The following SLC2A12 variants were observed in gnomAD, a reference collection of about 807,000 sequenced individuals.
SLC2A12 encodes solute carrier family 2, facilitated glucose transporter member 12.
SLC2A12 carries 23 observed loss-of-function variants against 41.8 expected under a neutral mutation model. That is an observed-to-expected ratio of 0.55 (90% CI 0.40 to 0.78). The LOEUF is 0.78. Among genes scored for constraint, SLC2A12 ranks in the 30% least tolerant of loss-of-function variants. SLC2A12 has a pLI of 0.00. For missense variants in SLC2A12, 654 were observed against 745.6 expected, an observed-to-expected ratio of 0.88 and a Z score of 1.43; for synonymous variants, 295 against 285.9, an observed-to-expected ratio of 1.03 and a Z score of -0.32.
At chr6:134,030,845 A>C (rs1777195231) in intron 1 of SLC2A12, among the ~76,000 whole-genome samples, 1 of 152,242 alleles carries the variant, frequency 6.6e-6, no homozygotes, top group Non-Finnish European at 1.5e-5. Flanking sequence ...ATTGTGTTCC[A>C]AGTATAATGG....
At chr6:133,995,345 A>AG (rs915769526) in intron 4 of SLC2A12, among the ~76,000 whole-genome samples, 4 of 151,178 alleles carry the variant, frequency 2.6e-5, no homozygotes, top group Non-Finnish European at 5.9e-5. Context: ...GAGAGGAGAG[A>AG]GGGGGTGAAG....
chr6:133,997,085 C>CAAAA lies in SLC2A12; in HGVS notation c.1700+4908_1700+4911dup, dbSNP rs58295985. Among the ~76,000 whole-genome samples the CAAAA allele has an allele frequency of 3.0e-3, 214 of 70,704 alleles. 11 individuals are homozygous for CAAAA. Among genetic ancestry groups the CAAAA allele is most frequent in the African/African-American group, 8.4e-3 (152 of 18,164 alleles). The allele number at this position is 70,704 out of a possible 152,430, so 46.4% of individuals were successfully genotyped here. On this transcript the variant is annotated intron_variant, in intron 4 of 4. Transcript: ENST00000275230. ...TGAAACCCCGTCTCTACTAAAAATA[C>CAAAA]AAAAAAAAAAAAAAAAAAAAAAAAA...
At chr6:133,996,168 A>G (rs1312941145) in intron 4 of SLC2A12, among the ~76,000 whole-genome samples, 1 of 152,242 alleles carries the variant, frequency 6.6e-6, no homozygotes, top group Non-Finnish European at 1.5e-5. Flanking sequence ...GAATAAATGA[A>G]TTGGATGGAT....
At chr6:134,028,266 A>G (rs1353465598) in intron 2 of SLC2A12, 115 bp downstream of exon 2, 1 of 1,353,238 alleles carries the variant, frequency 7.4e-7, no homozygotes, top group Non-Finnish European at 1.0e-6. Context: ...TAGAAGGAAC[A>G]TCAGATGACC....
At chr6:134,035,518 C>G (rs1777284862) in intron 1 of SLC2A12, among the ~76,000 whole-genome samples, 1 of 152,180 alleles carries the variant, frequency 6.6e-6, no homozygotes, top group African/African-American at 2.4e-5. Context: ...CACATTTCTA[C>G]ACGCCCATCC....
chr6:133,988,526 A>G lies in SLC2A12; in HGVS notation c.*2629T>C, dbSNP rs1200874927. On this transcript the variant is annotated 3_prime_UTR_variant, in exon 5 of 5. Transcript: ENST00000275230. ...TTGCAACATCCTAATCTCCATATAT[A>G]GTACATTTTCCTTACTGTATTATAA... The G allele has an allele frequency of 2.6e-5, 4 of 152,218 alleles. No individual in the cohort carries two copies. Among genetic ancestry groups the G allele is most frequent in the Non-Finnish European group, 4.4e-5 (3 of 68,022 alleles). 9.4% of individuals were successfully genotyped at this position (152,218 alleles called of 1,614,324 possible). A position where few individuals can be genotyped will look rare whatever the true frequency, so the allele number is the denominator to read the frequency against.
rs1388536602 is a variant in SLC2A12 at position 133,991,011 on chromosome 6, G to C, written c.*144C>G. On this transcript the variant is annotated 3_prime_UTR_variant, in exon 5 of 5. Transcript: ENST00000275230. ...CTTCTGGGGAGGAGGGGGATTAAAG[G>C]CTGTCTTTATCATTTCAGAGTGTCT... 11 of 931,122 alleles carry C rather than the reference G, an allele frequency of 1.2e-5. No individual in the cohort carries two copies. Among genetic ancestry groups the C allele is most frequent in the East Asian group, 7.8e-5 (3 of 38,256 alleles). 57.7% of individuals were successfully genotyped at this position (931,122 alleles called of 1,614,324 possible).
chr6:134,040,942 A>G (rs1407702087), intron 1 of SLC2A12, among the ~76,000 whole-genome samples: 1 of 150,888 alleles, frequency 6.6e-6, no homozygotes, highest in African/African-American at 2.4e-5. Context: ...GCAGTTAGAA[A>G]CTCCTCTCAG....
At chr6:134,015,861 G>A (rs1431937186) in intron 2 of SLC2A12, among the ~76,000 whole-genome samples, 1 of 152,074 alleles carries the variant, frequency 6.6e-6, no homozygotes, top group Non-Finnish European at 1.5e-5. Context: ...AGAGTTATTT[G>A]TTTAAATCTA....
chr6:134,026,761 A>G (rs925245940), intron 2 of SLC2A12, among the ~76,000 whole-genome samples: 15 of 152,232 alleles, frequency 9.9e-5, no homozygotes, highest in African/African-American at 3.4e-4. Context: ...CACAGTGCAG[A>G]GGAAGGGCCA....
intron 2 of SLC2A12, among the ~76,000 whole-genome samples, chr6:134,008,441 ATTG>A (rs1188666528): frequency 6.6e-6 from 1 of 152,166 alleles, no homozygotes; most frequent in African/African-American, 2.4e-5. Flanking sequence ...CGTAATTATT[ATTG>A]TTGTTCTTAT....
chr6:134,044,530 A>C (rs888589615), intron 1 of SLC2A12, among the ~76,000 whole-genome samples: 8 of 152,122 alleles, frequency 5.3e-5, no homozygotes, highest in Non-Finnish European at 1.0e-4. Flanking sequence ...CCTGGCCAAC[A>C]TGATGAAACC....
intron 1 of SLC2A12, among the ~76,000 whole-genome samples, chr6:134,041,693 T>C (rs1159593397): frequency 6.6e-6 from 1 of 152,172 alleles, no homozygotes; most frequent in Admixed American, 6.5e-5. Context: ...GAATCCAACA[T>C]TTTACGGCCC....
chr6:134,005,954 T>C (rs890751087), intron 3 of SLC2A12, among the ~76,000 whole-genome samples: 5 of 151,790 alleles, frequency 3.3e-5, no homozygotes, highest in African/African-American at 1.2e-4. Flanking sequence ...GTGGATCACT[T>C]GCGGTCAGGA....
chr6:134,016,546 G>GT lies in SLC2A12; in HGVS notation c.1445-9613dup, dbSNP rs1313527105. The stretch of plus-strand genomic sequence containing the variant: ...TTTGTCTCTGACCAAGGAATCTTGT[G>GT]TTTTTTGTCAACATCATTAAACTGT... On this transcript the variant is annotated intron_variant, in intron 2 of 4. Coordinates refer to ENST00000275230, the MANE Select transcript of SLC2A12 (RefSeq NM_145176.3). Among the ~76,000 whole-genome samples, 5 of 151,896 alleles carry GT rather than the reference G, an allele frequency of 3.3e-5. No homozygotes were observed. The East Asian group carries it at 9.6e-4, about 29-fold the overall frequency.
chr6:134,051,482 G>T (rs1052244674), intron 1 of SLC2A12, among the ~76,000 whole-genome samples: 1 of 152,198 alleles, frequency 6.6e-6, no homozygotes, highest in African/African-American at 2.4e-5. Flanking sequence ...TGTAATATCT[G>T]ATTAAGAATA....
chr6:134,018,594 T>C (rs1423174344), intron 2 of SLC2A12, among the ~76,000 whole-genome samples: 1 of 152,120 alleles, frequency 6.6e-6, no homozygotes, highest in Non-Finnish European at 1.5e-5. Flanking sequence ...TTGGCCCAAA[T>C]GTTACCACCT....
intron 4 of SLC2A12, 150 bp from the exon 5 acceptor site, chr6:133,991,458 A>T: frequency 1.1e-6 from 1 of 899,832 alleles, no homozygotes; most frequent in Non-Finnish European, 1.6e-6. Context: ...CTGCTGCATC[A>T]TGAAATTCAG....
Position 134,041,976 on chromosome 6 carries a change from C to G in SLC2A12, c.103+10402G>C, listed in dbSNP as rs376970684. On this transcript the variant is annotated intron_variant, in intron 1 of 4. Transcript: ENST00000275230. ...AAAACCGACATCTCCGAAAGGATCC[C>G]CAGTCCACTGAAGATTATTTAATGT... 2.6e-5 allele frequency among the ~76,000 whole-genome samples: 4 copies of G among 152,080 alleles called. No individual in the cohort carries two copies. In the East Asian group the frequency reaches 5.8e-4, roughly 22 times the overall value.
Sources: allele counts gnomAD v4.1 joint callset (sites outside exome capture counted in the v4.1 genomes callset), GRCh38; gene constraint gnomAD v4.1.1; transcripts MANE v1.5; gene names NCBI Gene and HGNC (gene_info 2026-07-23, HGNC 2026-07-21).